PAK1: variants seen among roughly 807,000 people sequenced by gnomAD.
PAK1 encodes serine/threonine-protein kinase PAK 1.
Under a neutral mutation model 67.4 loss-of-function variants are expected in PAK1, and 29 were observed. The ratio of observed to expected loss-of-function variants is 0.43; its 90% CI spans 0.32 to 0.59. PAK1 has a LOEUF of 0.59. Ranked by LOEUF, PAK1 falls within the 20% of genes least tolerant of loss-of-function variation. The probability of loss-of-function intolerance (pLI) is 0.07; values close to 1 mark genes in which losing one functional copy is unlikely to be tolerated. For synonymous variants in PAK1, 223 were observed against 237.4 expected, an observed-to-expected ratio of 0.94 and a Z score of 0.56; for missense variants, 337 against 670.7, an observed-to-expected ratio of 0.50 and a Z score of 5.50.
chr11:77,353,255 G>A (rs953947580), intron 8 of PAK1: 5 of 336,004 alleles, frequency 1.5e-5, no homozygotes, highest in Non-Finnish European at 2.7e-5. Context: ...AAGCAGAGTT[G>A]TAATTTGGGA....
intron 1 of PAK1, among the ~76,000 whole-genome samples, chr11:77,460,812 G>A (rs1428906399): frequency 1.3e-5 from 2 of 152,096 alleles, no homozygotes; most frequent in African/African-American, 2.4e-5. Context: ...ATTCTAAGTA[G>A]GAATATGAAG....
At chr11:77,323,978 A>G (rs1939030267) in intron 14 of PAK1, among the ~76,000 whole-genome samples, 1 of 152,194 alleles carries the variant, frequency 6.6e-6, no homozygotes, top group Non-Finnish European at 1.5e-5. Context: ...TTGATCTAGG[A>G]ATTTATTGTT....
intron 1 of PAK1, among the ~76,000 whole-genome samples, chr11:77,452,425 G>A (rs755682502): frequency 1.3e-5 from 2 of 152,138 alleles, no homozygotes; most frequent in Non-Finnish European, 2.9e-5. Context: ...GAAGTGCTGA[G>A]ATGTGGTCTT....
chr11:77,461,386 T>C (rs1169522721), intron 1 of PAK1, among the ~76,000 whole-genome samples: 2 of 152,224 alleles, frequency 1.3e-5, no homozygotes, highest in African/African-American at 4.8e-5. Flanking sequence ...AAGTAAAGAA[T>C]ATTATCCTCC....
chr11:77,360,572 G>A (rs1261315143), intron 5 of PAK1, among the ~76,000 whole-genome samples: 2 of 152,160 alleles, frequency 1.3e-5, no homozygotes, highest in East Asian at 1.9e-4. Context: ...GGTAGCCCTG[G>A]AGCTCCCCTG....
At chr11:77,388,504 C>T (rs1950733006) in intron 2 of PAK1, among the ~76,000 whole-genome samples, 1 of 152,220 alleles carries the variant, frequency 6.6e-6, no homozygotes, top group African/African-American at 2.4e-5. Flanking sequence ...CAGGCACCCG[C>T]CACCACGCCC....
chr11:77,326,512 C>A (rs903224888), intron 14 of PAK1, among the ~76,000 whole-genome samples: 13 of 152,156 alleles, frequency 8.5e-5, no homozygotes, highest in African/African-American at 2.9e-4. Context: ...TGGCAAAACC[C>A]TGTCTTTACA....
At chr11:77,490,022 G>A in the PAK1 span, among the ~76,000 whole-genome samples, 1 of 149,584 alleles carries the variant, frequency 6.7e-6, no homozygotes. Flanking sequence ...CTTCCCGGCC[G>A]CCATCCCATC....
intron 1 of PAK1, among the ~76,000 whole-genome samples, chr11:77,419,111 C>G (rs1565689463): frequency 6.6e-6 from 1 of 152,188 alleles, no homozygotes; most frequent in Non-Finnish European, 1.5e-5. Flanking sequence ...CTATAGGAAA[C>G]TTGGCTAAGT....
chr11:77,459,540 G>A (rs2135467665), intron 1 of PAK1, among the ~76,000 whole-genome samples: 1 of 152,324 alleles, frequency 6.6e-6, no homozygotes, highest in Admixed American at 6.5e-5. Flanking sequence ...AGGTACAATG[G>A]TGACCAAAAG....
chr11:77,384,692 G>A (rs760540883), intron 2 of PAK1, among the ~76,000 whole-genome samples: 1 of 152,180 alleles, frequency 6.6e-6, no homozygotes, highest in Non-Finnish European at 1.5e-5. Context: ...GAAATGTCCA[G>A]AATAGGCAAA....
intron 9 of PAK1, among the ~76,000 whole-genome samples, chr11:77,346,730 C>T (rs1051724718): frequency 6.6e-6 from 1 of 152,150 alleles, no homozygotes; most frequent in Admixed American, 6.5e-5. Flanking sequence ...TATATTATCA[C>T]AGTAAAACCT....
rs140348730 is a variant in PAK1, at chr11:77,470,254, G to C, written c.-22+3298C>G. Among the ~76,000 whole-genome samples, 422 of 152,204 alleles carry C rather than the reference G, an allele frequency of 2.8e-3. 3 individuals carry two copies. Among genetic ancestry groups the C allele is most frequent in the African/African-American group, 9.7e-3 (402 of 41,518 alleles). On this transcript the variant is annotated intron_variant, in intron 1 of 14. Transcript: ENST00000356341. ...CATGACCTCTTAAAATTTTTTAAAA[G>C]TCTGCCTGTCAAAATGATGCTTGTT...
chr11:77,480,872 T>C, the PAK1 span, among the ~76,000 whole-genome samples: 2 of 152,250 alleles, frequency 1.3e-5, no homozygotes, highest in South Asian at 2.1e-4. Flanking sequence ...GCCCTCAGAA[T>C]GCAAGCTTCA....
intron 11 of PAK1, among the ~76,000 whole-genome samples, chr11:77,339,279 T>C (rs1261033542): frequency 6.6e-6 from 1 of 152,118 alleles, no homozygotes; most frequent in Non-Finnish European, 1.5e-5. Flanking sequence ...AGTATACATA[T>C]GCATGTATTC....
intron 5 of PAK1, among the ~76,000 whole-genome samples, chr11:77,371,636 T>A (rs1206299906): frequency 1.3e-5 from 2 of 152,242 alleles, no homozygotes; most frequent in Non-Finnish European, 2.9e-5. Flanking sequence ...AGTGGAATCA[T>A]CTGTTTGAAA....
intron 4 of PAK1, among the ~76,000 whole-genome samples, chr11:77,375,824 C>T (rs1949016664): frequency 6.6e-6 from 1 of 152,136 alleles, no homozygotes. Context: ...AAATATTCTA[C>T]CAAATCCAAT....
At chr11:77,341,860 T>C (rs144860826) in intron 10 of PAK1, among the ~76,000 whole-genome samples, 33 of 152,360 alleles carry the variant, frequency 2.2e-4, no homozygotes, top group African/African-American at 6.5e-4. Context: ...TTTTGACTAC[T>C]AATCGACAGC....
chr11:77,406,256 A>G (rs945926350), intron 1 of PAK1, among the ~76,000 whole-genome samples: 1 of 152,238 alleles, frequency 6.6e-6, no homozygotes, highest in African/African-American at 2.4e-5. Flanking sequence ...CCTAAAAACC[A>G]TCTATTAGAC....
Sources: allele counts gnomAD v4.1 joint callset (sites outside exome capture counted in the v4.1 genomes callset), GRCh38; gene constraint gnomAD v4.1.1; transcripts MANE v1.5; gene names NCBI Gene and HGNC (gene_info 2026-07-23, HGNC 2026-07-21).